The following PYGL variants were observed in gnomAD, a reference collection of about 807,000 sequenced individuals.
PYGL encodes glycogen phosphorylase L.
A neutral mutation model predicts 100.1 loss-of-function variants in PYGL; 90 were observed. The ratio of observed to expected loss-of-function variants is 0.90; its 90% confidence interval spans 0.76 to 1.07. The LOEUF is 1.07. Among genes scored for constraint, PYGL ranks in the 50% least tolerant of loss-of-function variants. The pLI is 0.00. For missense variants in PYGL, 1,016 were observed against 1,057.6 expected, an observed-to-expected ratio of 0.96 and a Z score of 0.55; for synonymous variants, 373 against 393.0, an observed-to-expected ratio of 0.95 and a Z score of 0.60.
At chr14:50,923,683 C>T (rs1265470657) in intron 5 of PYGL, 5 of 266,164 alleles carry the variant, frequency 1.9e-5, no homozygotes, top group African/African-American at 1.3e-4. Context: ...TGACAATTTT[C>T]TGGCAAAAAA....
chr14:50,908,563 G>A (rs2050357014), intron 18 of PYGL, among the ~76,000 whole-genome samples: 1 of 152,120 alleles, frequency 6.6e-6, no homozygotes, highest in South Asian at 2.1e-4. Context: ...AATATCAGTG[G>A]AAGGAGAAAA....
chr14:50,923,462 AT>A (rs1311817580), intron 5 of PYGL: 1 of 156,530 alleles, frequency 6.4e-6, no homozygotes. Flanking sequence ...TAATTTTCGT[AT>A]TTTTAGTACA....
chr14:50,911,683 T>A (rs1458039042), intron 16 of PYGL, 47 bp downstream of exon 16: 2 of 1,608,180 alleles, frequency 1.2e-6, no homozygotes, highest in Admixed American at 3.3e-5. Context: ...CCATGTAATC[T>A]CTAGAGTTTG....
rs1195380334 is a variant in PYGL at position 50,912,918 on chromosome 14, C to A, written c.1620+111G>T. The A allele has an allele frequency of 4.2e-6, 4 of 959,232 alleles. No individual in the cohort carries two copies. In the African/African-American group the frequency reaches 6.5e-5, roughly 16 times the overall value. 59.4% of individuals were successfully genotyped at this position (959,232 alleles called of 1,614,324 possible). A position where few individuals can be genotyped will look rare whatever the true frequency, so the allele number is the denominator to read the frequency against. ...GCAGTGAGCCGAGATCGTGCCACTG[C>A]ACTCCAGCCTGGGCAACAGAGCGAG... On this transcript the variant is annotated intron_variant, in intron 13 of 19. Transcript: ENST00000216392.
At chr14:50,930,107 T>C (rs1190564868) in intron 4 of PYGL, among the ~76,000 whole-genome samples, 1 of 152,202 alleles carries the variant, frequency 6.6e-6, no homozygotes, top group Admixed American at 6.5e-5. Context: ...ATTTCCTATT[T>C]TGTTAAAATT....
chr14:50,911,956 C>G (rs764118147), intron 15 of PYGL, 22 bp downstream of exon 15: 4 of 1,613,028 alleles, frequency 2.5e-6, no homozygotes, highest in Non-Finnish European at 2.5e-6. Context: ...CCTCAAGTCC[C>G]CATTGAATAG....
intron 5 of PYGL, among the ~76,000 whole-genome samples, chr14:50,922,733 T>G (rs1007430547): frequency 6.6e-6 from 1 of 152,184 alleles, no homozygotes; most frequent in African/African-American, 2.4e-5. Flanking sequence ...TTGCTCAGAG[T>G]GGCACTGTGG....
chr14:50,940,964 G>A (rs142426369), intron 1 of PYGL, among the ~76,000 whole-genome samples: 1 of 152,296 alleles, frequency 6.6e-6, no homozygotes, highest in Admixed American at 6.5e-5. Context: ...GTGAATCGGG[G>A]GCCCAGAGTG....
In PYGL at chr14:50,918,360, A is replaced by G. The variant is rs117474595; in HGVS notation, c.856-1255T>C. ...TCTAGCCAAAGGAAAAGAAGTCATT[A>G]TGTGAAAAAGACACATGTACACACA... On this transcript the variant is annotated intron_variant, in intron 7 of 19. Coordinates refer to ENST00000216392, the MANE Select transcript of PYGL (RefSeq NM_002863.5). Among the ~76,000 whole-genome samples the G allele has an allele frequency of 8.9e-4, 136 of 152,370 alleles. 3 individuals carry two copies. In the East Asian group the frequency reaches 0.024, roughly 27 times the overall value.
In PYGL at chr14:50,911,796, G is replaced by A; in HGVS notation, c.1903C>T (p.Pro635Ser). 6.2e-7 allele frequency: 1 copy of A among 1,614,060 alleles called. No homozygotes were observed. The highest frequency in any genetic ancestry group is 8.5e-7 in the Non-Finnish European group (1 of 1,179,980). ...ACTTTCAACTTGCTTCCAACCATAGGGTCATTGTTCACCACATCTGCCACT... is the reference window on the plus strand; with the variant it reads ...ACTTTCAACTTGCTTCCAACCATAGAGTCATTGTTCACCACATCTGCCACT... ...TSVADVVNND[P>S]MVGSKLKVIF... The change falls in exon 16 of 20, where the codon CCT becomes TCT. Residue 635 changes from proline to serine, a missense_variant. Physicochemically the swap from Pro to Ser is moderately conservative, Grantham distance 74 (BLOSUM62 -1). Coordinates refer to ENST00000216392, the MANE Select transcript of PYGL (RefSeq NM_002863.5).
At chr14:50,927,648 G>T (rs565764335) in intron 4 of PYGL, among the ~76,000 whole-genome samples, 1 of 152,322 alleles carries the variant, frequency 6.6e-6, no homozygotes, top group African/African-American at 2.4e-5. Flanking sequence ...ACTCGTAGGA[G>T]AGTTTATTTG....
chr14:50,917,955 T>C (rs1483677835), intron 7 of PYGL, among the ~76,000 whole-genome samples: 1 of 151,832 alleles, frequency 6.6e-6, no homozygotes, highest in Non-Finnish European at 1.5e-5. Context: ...TTGACTAATA[T>C]CCAGAATCTA....
At chr14:50,925,930 A>AG (rs2050543851) in intron 4 of PYGL, among the ~76,000 whole-genome samples, 1 of 152,136 alleles carries the variant, frequency 6.6e-6, no homozygotes, top group Non-Finnish European at 1.5e-5. Context: ...AGGTCTGGGG[A>AG]GGGGCCTGAA....
intron 3 of PYGL, among the ~76,000 whole-genome samples, chr14:50,932,238 G>A (rs2050608223): frequency 6.6e-6 from 1 of 152,164 alleles, no homozygotes; most frequent in African/African-American, 2.4e-5. Flanking sequence ...TGACTGACAA[G>A]ATATTCTGTG....
chr14:50,908,350 G>A lies in PYGL; in HGVS notation c.2313-13C>T. 6.4e-7 allele frequency: 1 copy of A among 1,572,380 alleles called. No homozygotes were observed. Among genetic ancestry groups the A allele is most frequent in the South Asian group, 1.1e-5 (1 of 90,192 alleles). ...AAAGACTTTAAACCTTTTATTTTGTGAGTGGAAGAGGAAAAAAACAGTCAA... is the reference window on the plus strand; with the variant it reads ...AAAGACTTTAAACCTTTTATTTTGTAAGTGGAAGAGGAAAAAAACAGTCAA... On this transcript the variant is annotated splice_polypyrimidine_tract_variant and intron_variant, in intron 18 of 19. Transcript: ENST00000216392.
At chr14:50,919,485 C>A (rs933022458) in intron 7 of PYGL, among the ~76,000 whole-genome samples, 1 of 152,092 alleles carries the variant, frequency 6.6e-6, no homozygotes, top group Non-Finnish European at 1.5e-5. Flanking sequence ...CCTAGTCCCC[C>A]CAAGATCCTT....
At chr14:50,930,395 T>C (rs915048862) in intron 4 of PYGL, among the ~76,000 whole-genome samples, 2 of 152,178 alleles carry the variant, frequency 1.3e-5, no homozygotes, top group African/African-American at 4.8e-5. Context: ...TAAGTTGACA[T>C]TAGGTCTCAA....
chr14:50,928,250 G>A (rs1029110019), intron 4 of PYGL, among the ~76,000 whole-genome samples: 16 of 152,280 alleles, frequency 1.1e-4, no homozygotes, highest in Middle Eastern at 3.4e-3. Flanking sequence ...ATACAGAGTC[G>A]ACAAAGAACC....
chr14:50,914,982 A>G (rs989852891), intron 11 of PYGL, among the ~76,000 whole-genome samples, 167 bp from the exon 12 acceptor site: 4 of 152,196 alleles, frequency 2.6e-5, no homozygotes, highest in Admixed American at 1.3e-4. Flanking sequence ...TTAAATAGAA[A>G]TTCATTTGCA....
Sources: gnomAD v4.1 joint callset for allele counts (sites outside exome capture counted in the v4.1 genomes callset) on GRCh38, gnomAD v4.1.1 for gene constraint, MANE v1.5 for transcripts, NCBI Gene and HGNC (gene_info 2026-07-23, HGNC 2026-07-21) for gene names.